The following ENTPD1 variants were observed in gnomAD, a reference collection of about 807,000 sequenced individuals.
ENTPD1 encodes ATP diphosphohydrolase.
ENTPD1 carries 33 observed loss-of-function variants against 57.0 expected under a neutral mutation model. The ratio of observed to expected loss-of-function variants is 0.58; its 90% CI spans 0.44 to 0.77. The LOEUF is 0.77. Among genes scored for constraint, ENTPD1 ranks in the 30% least tolerant of loss-of-function variants. The probability of loss-of-function intolerance (pLI) is 0.00; values close to 1 mark genes in which losing one functional copy is unlikely to be tolerated. For missense variants in ENTPD1, 501 were observed against 603.4 expected, an observed-to-expected ratio of 0.83 and a Z score of 1.78; for synonymous variants, 202 against 218.8, an observed-to-expected ratio of 0.92 and a Z score of 0.68.
the ENTPD1 span, among the ~76,000 whole-genome samples, chr10:95,705,683 G>A: frequency 7.9e-5 from 12 of 152,126 alleles, no homozygotes; most frequent in African/African-American, 2.9e-4. Flanking sequence ...GTAGAGATGG[G>A]GTTTCGCCAT....
intron 2 of ENTPD1, among the ~76,000 whole-genome samples, chr10:95,838,112 TC>T (rs1288419340): frequency 6.6e-6 from 1 of 152,146 alleles, no homozygotes; most frequent in South Asian, 2.1e-4. Context: ...TCCTTTCGCT[TC>T]CCCATTTACT....
chr10:95,784,418 C>G (rs1189989302), intron 1 of ENTPD1, among the ~76,000 whole-genome samples: 1 of 152,148 alleles, frequency 6.6e-6, no homozygotes. Flanking sequence ...TTGCCCTAGC[C>G]AAGCTCAGAG....
Position 95,844,471 on chromosome 10 carries a change from T to C in ENTPD1, c.414-5T>C. 1 of 1,614,030 alleles carries C rather than the reference T, an allele frequency of 6.2e-7. No homozygotes were observed. The highest frequency in any genetic ancestry group is 8.5e-7 in the Non-Finnish European group (1 of 1,179,920). ...AATGATAACCTCAGCTCTTCCTTTG[T>C]ACAGGATGGAAAGTGAAGAGTTGGC... On this transcript the variant is annotated splice_polypyrimidine_tract_variant and splice_region_variant and intron_variant, in intron 4 of 9. Coordinates refer to ENST00000371205, the MANE Select transcript of ENTPD1 (RefSeq NM_001776.6).
intron 1 of ENTPD1, among the ~76,000 whole-genome samples, chr10:95,757,096 C>A (rs528325418): frequency 6.6e-6 from 1 of 152,290 alleles, no homozygotes; most frequent in Non-Finnish European, 1.5e-5. Flanking sequence ...CCTCCTTCTC[C>A]TCCTTCTTTA....
intron 1 of ENTPD1, among the ~76,000 whole-genome samples, chr10:95,807,323 G>T (rs986724440): frequency 6.6e-6 from 1 of 152,220 alleles, no homozygotes; most frequent in African/African-American, 2.4e-5. Flanking sequence ...AGCCAGGCAC[G>T]GGAGAGAATC....
intron 7 of ENTPD1, among the ~76,000 whole-genome samples, chr10:95,859,912 AAT>A (rs1339294874): frequency 6.6e-6 from 1 of 152,236 alleles, no homozygotes; most frequent in East Asian, 1.9e-4. Flanking sequence ...TGATGATGAT[AAT>A]GATTTTTAAA....
At chr10:95,801,091 A>G (rs1289843402) in intron 1 of ENTPD1, among the ~76,000 whole-genome samples, 1 of 152,208 alleles carries the variant, frequency 6.6e-6, no homozygotes, top group Non-Finnish European at 1.5e-5. Flanking sequence ...GGGAACTGAT[A>G]AATGTCCATG....
chr10:95,731,303 G>T (rs555372230), intron 1 of ENTPD1, among the ~76,000 whole-genome samples: 2 of 152,088 alleles, frequency 1.3e-5, no homozygotes, highest in Non-Finnish European at 2.9e-5. Flanking sequence ...GAGATTGGAG[G>T]CTGGGAGCAG....
Position 95,876,169 on chromosome 10 carries a change from C to T in ENTPD1, c.*9786C>T, listed in dbSNP as rs2098485559. On this transcript the variant is annotated 3_prime_UTR_variant, in exon 10 of 10. Transcript: ENST00000371205. ...GTTTTGAAAATGCAACATTTGTACT[C>T]CACATTGTCAGTTTTCTTAGGTATA... is the stretch of plus-strand genomic sequence containing the variant. 2.0e-6 allele frequency: 2 copies of T among 984,560 alleles called. No individual in the cohort carries two copies. The highest frequency in any genetic ancestry group is 1.2e-6 in the Non-Finnish European group (1 of 829,318). 61.0% of individuals were successfully genotyped at this position (984,560 alleles called of 1,614,324 possible).
chr10:95,862,433 TAG>T (rs1478364791), intron 8 of ENTPD1, among the ~76,000 whole-genome samples: 1 of 152,224 alleles, frequency 6.6e-6, no homozygotes, highest in Non-Finnish European at 1.5e-5. Context: ...ACACCTTTGG[TAG>T]AGAGATAATT....
chr10:95,763,601 T>C (rs994962344), intron 1 of ENTPD1, among the ~76,000 whole-genome samples: 3 of 152,248 alleles, frequency 2.0e-5, no homozygotes, highest in Non-Finnish European at 4.4e-5. Context: ...TATTCTCTGA[T>C]GGGTAGAGAG....
intron 2 of ENTPD1, 77 bp from the exon 3 acceptor site, chr10:95,839,614 C>A: frequency 6.8e-7 from 1 of 1,463,802 alleles, no homozygotes; most frequent in Non-Finnish European, 9.6e-7. Flanking sequence ...TTGAAAATTC[C>A]AGTCCTTTCT....
intron 3 of ENTPD1, among the ~76,000 whole-genome samples, chr10:95,840,741 A>G (rs933833775): frequency 6.6e-6 from 1 of 152,094 alleles, no homozygotes; most frequent in African/African-American, 2.4e-5. Context: ...TCAGCTTTCA[A>G]TCCCTTTACC....
At chr10:95,730,000 G>T (rs1367479489) in intron 1 of ENTPD1, among the ~76,000 whole-genome samples, 2 of 152,028 alleles carry the variant, frequency 1.3e-5, no homozygotes, top group African/African-American at 4.8e-5. Flanking sequence ...TAATTCACTG[G>T]ATTTGATTAT....
intron 1 of ENTPD1, among the ~76,000 whole-genome samples, chr10:95,722,129 G>A (rs1290253921): frequency 6.6e-6 from 1 of 152,022 alleles, no homozygotes; most frequent in African/African-American, 2.4e-5. Flanking sequence ...TTTAAGACTT[G>A]GCTGAGTGAA....
At chr10:95,864,640 C>T (rs1400591580) in intron 8 of ENTPD1, 84 bp from the exon 9 acceptor site, 3 of 1,586,430 alleles carry the variant, frequency 1.9e-6, no homozygotes, top group Non-Finnish European at 2.6e-6. Context: ...TTTCCCCTCT[C>T]TTCATCAGGG....
intron 1 of ENTPD1, among the ~76,000 whole-genome samples, chr10:95,720,091 T>C (rs4625389): frequency 0.46 from 69,830 of 151,884 alleles, 16,479 homozygotes; most frequent in East Asian, 0.74. Flanking sequence ...GCAGGGGCTA[T>C]TGCATGGTTT....
In ENTPD1 at chr10:95,876,493, G is replaced by A. The variant is rs2098485936; in HGVS notation, c.*10110G>A. 7.3e-6 allele frequency: 9 copies of A among 1,231,330 alleles called. No individual in the cohort carries two copies. The highest frequency in any genetic ancestry group is 3.2e-5 in the East Asian group (1 of 31,622). The allele number at this position is 1,231,330 out of a possible 1,614,324, so 76.3% of individuals were successfully genotyped here. On this transcript the variant is annotated 3_prime_UTR_variant, in exon 10 of 10. Coordinates refer to ENST00000371205, the MANE Select transcript of ENTPD1 (RefSeq NM_001776.6). Reference sequence around the variant, plus strand: ...AAAATATGTCTCTCTGTCCTATTCTGTATCTGTATCTCTTGGATTTTTACC... The same window carrying A: ...AAAATATGTCTCTCTGTCCTATTCTATATCTGTATCTCTTGGATTTTTACC...
chr10:95,862,255 T>C (rs1445409488), intron 8 of ENTPD1, among the ~76,000 whole-genome samples: 1 of 152,070 alleles, frequency 6.6e-6, no homozygotes, highest in Non-Finnish European at 1.5e-5. Context: ...AGCATTGAGG[T>C]GGATGTTATG....
Sources: gnomAD v4.1 joint callset for allele counts (sites outside exome capture counted in the v4.1 genomes callset) on GRCh38, gnomAD v4.1.1 for gene constraint, MANE v1.5 for transcripts, NCBI Gene and HGNC (gene_info 2026-07-23, HGNC 2026-07-21) for gene names.